Variants in ATG10 observed in about 807,000 individuals in gnomAD.
The protein encoded by ATG10 is autophagy related 10.
In ATG10, 30 loss-of-function variants were observed where a neutral mutation model predicts 32.1. That is an observed-to-expected ratio of 0.94 (90% confidence interval 0.70 to 1.27). ATG10 has a LOEUF of 1.27. Ranked by LOEUF, ATG10 falls within the 50% of genes most tolerant of loss-of-function variation. The probability of loss-of-function intolerance (pLI) is 0.00; values close to 1 mark genes in which losing one functional copy is unlikely to be tolerated. For missense variants in ATG10, 233 were observed against 262.3 expected, an observed-to-expected ratio of 0.89 and a Z score of 0.77; for synonymous variants, 87 against 91.5, an observed-to-expected ratio of 0.95 and a Z score of 0.28.
chr5:81,983,882 C>T lies in ATG10; in HGVS notation c.-12-3677C>T, dbSNP rs556332508. On this transcript the variant is annotated intron_variant, in intron 1 of 7. Transcript: ENST00000282185. Reference sequence around the variant, plus strand: ...CCCAGACGGGGCAGCGGGGCAGAGGCGCTCCCCACATCTCAGACTATGGGC... The same window carrying T: ...CCCAGACGGGGCAGCGGGGCAGAGGTGCTCCCCACATCTCAGACTATGGGC... 1.4e-3 allele frequency among the ~76,000 whole-genome samples: 217 copies of T among 151,118 alleles called. 1 individual carries two copies. The highest frequency in any genetic ancestry group is 8.4e-3 in the South Asian group (40 of 4,752).
chr5:82,110,759 A>C (rs1765593107), intron 3 of ATG10, among the ~76,000 whole-genome samples: 1 of 151,678 alleles, frequency 6.6e-6, no homozygotes, highest in Non-Finnish European at 1.5e-5. Flanking sequence ...TTGCCTGTTC[A>C]CTCTGATGGT....
chr5:82,178,966 A>G (rs11951734), intron 5 of ATG10, among the ~76,000 whole-genome samples: 99 of 152,164 alleles, frequency 6.5e-4, no homozygotes, highest in African/African-American at 2.2e-3. Context: ...AATGCATTTC[A>G]TACACCTAAT....
chr5:82,211,483 A>T (rs1745490081), intron 5 of ATG10, among the ~76,000 whole-genome samples: 1 of 151,628 alleles, frequency 6.6e-6, no homozygotes, highest in South Asian at 2.1e-4. Context: ...TATACTTTCC[A>T]CTATGCTCTC....
chr5:82,132,926 G>A lies in ATG10; in HGVS notation c.217-31473G>A, dbSNP rs552367371. Reference sequence around the variant, plus strand: ...ATTGTTTCCTGACTTTCTAATGGTCGCCATTCTAACTGGCAAGAGATAGTA... The same window carrying A: ...ATTGTTTCCTGACTTTCTAATGGTCACCATTCTAACTGGCAAGAGATAGTA... On this transcript the variant is annotated intron_variant, in intron 3 of 7. Coordinates refer to ENST00000282185, the MANE Select transcript of ATG10 (RefSeq NM_031482.5). Among the ~76,000 whole-genome samples the A allele has an allele frequency of 1.1e-4, 17 of 152,144 alleles. No homozygotes were observed. In the East Asian group the frequency reaches 2.5e-3, roughly 23 times the overall value.
chr5:82,032,112 C>G (rs1478904228), intron 2 of ATG10, among the ~76,000 whole-genome samples: 1 of 152,164 alleles, frequency 6.6e-6, no homozygotes, highest in Non-Finnish European at 1.5e-5. Flanking sequence ...CAATGAGAGA[C>G]TCTGGTTAGT....
intron 3 of ATG10, among the ~76,000 whole-genome samples, chr5:82,081,364 T>G (rs934480789): frequency 3.9e-5 from 6 of 152,206 alleles, no homozygotes; most frequent in East Asian, 1.9e-4. Flanking sequence ...TTCTCTTGCC[T>G]GATTGCCCTG....
intron 5 of ATG10, among the ~76,000 whole-genome samples, chr5:82,179,737 G>C (rs1348116492): frequency 6.6e-6 from 1 of 152,010 alleles, no homozygotes; most frequent in East Asian, 1.9e-4. Context: ...GCTAATGAAA[G>C]CTTCCTTTAA....
intron 3 of ATG10, among the ~76,000 whole-genome samples, chr5:82,086,490 C>G (rs1046252454): frequency 1.3e-5 from 2 of 152,180 alleles, no homozygotes; most frequent in Non-Finnish European, 2.9e-5. Context: ...CTCTTTCTCT[C>G]TACCCCTACA....
rs552395034 is a variant in ATG10, at chr5:82,096,596, T to C, written c.216+37994T>C. ...AGGAGTCCATAGATTGTGGACTAGG[T>C]GGGCCAGCTTTGTCATTGAAGTCTT... On this transcript the variant is annotated intron_variant, in intron 3 of 7. Transcript: ENST00000282185. Among the ~76,000 whole-genome samples the C allele has an allele frequency of 5.7e-4, 87 of 152,256 alleles. 2 individuals are homozygous for C. In the South Asian group the frequency reaches 0.017, roughly 30 times the overall value.
chr5:82,188,677 T>A (rs918724760), intron 5 of ATG10, among the ~76,000 whole-genome samples: 12 of 150,844 alleles, frequency 8.0e-5, no homozygotes, highest in African/African-American at 2.7e-4. Flanking sequence ...GGGCTGGGGG[T>A]GAGGACCAGA....
At chr5:82,008,095 C>G (rs573472173) in intron 2 of ATG10, among the ~76,000 whole-genome samples, 4 of 151,944 alleles carry the variant, frequency 2.6e-5, no homozygotes, top group African/African-American at 9.6e-5. Context: ...TCCAGTTTAC[C>G]TTATAGATCT....
intron 3 of ATG10, among the ~76,000 whole-genome samples, chr5:82,088,097 C>T (rs1438251642): frequency 6.6e-6 from 1 of 152,160 alleles, no homozygotes; most frequent in African/African-American, 2.4e-5. Context: ...GCTTTTTCCA[C>T]TCACTTTCCC....
rs1307209389 is a variant in ATG10, at chr5:82,221,442, C to G, written c.454-31120C>G. Reference sequence around the variant, plus strand: ...GAGCTCTTGAAAAACACTATGTACACTTTTTGCCTTCTGGTTGCAGATCAG... The same window carrying G: ...GAGCTCTTGAAAAACACTATGTACAGTTTTTGCCTTCTGGTTGCAGATCAG... On this transcript the variant is annotated intron_variant, in intron 5 of 7. Coordinates refer to ENST00000282185, the MANE Select transcript of ATG10 (RefSeq NM_031482.5). Among the ~76,000 whole-genome samples the G allele has an allele frequency of 3.9e-5, 6 of 152,134 alleles. No homozygotes were observed. The East Asian group carries it at 1.2e-3, about 29-fold the overall frequency.
intron 5 of ATG10, among the ~76,000 whole-genome samples, chr5:82,206,747 C>A (rs1267143272): frequency 6.6e-6 from 1 of 152,052 alleles, no homozygotes; most frequent in Non-Finnish European, 1.5e-5. Context: ...GTAGCCCAGT[C>A]AAGAAACAGA....
chr5:82,210,742 G>A (rs1745461670), intron 5 of ATG10, among the ~76,000 whole-genome samples: 1 of 152,118 alleles, frequency 6.6e-6, no homozygotes, highest in Non-Finnish European at 1.5e-5. Context: ...TCTGCAGTGG[G>A]AAATGATAAT....
intron 3 of ATG10, 26 bp from the exon 4 acceptor site, chr5:82,164,373 T>C (rs780661893): frequency 6.2e-7 from 1 of 1,610,648 alleles, no homozygotes. Flanking sequence ...GAAACCCGTT[T>C]TCGTTTTGTT....
chr5:82,148,871 C>T (rs1345764974), intron 3 of ATG10, among the ~76,000 whole-genome samples: 1 of 151,944 alleles, frequency 6.6e-6, no homozygotes, highest in Non-Finnish European at 1.5e-5. Flanking sequence ...TATATTTTTT[C>T]TGTGTCTATC....
At chr5:82,003,796 G>A (rs1297873848) in intron 2 of ATG10, among the ~76,000 whole-genome samples, 1 of 152,176 alleles carries the variant, frequency 6.6e-6, no homozygotes, top group East Asian at 1.9e-4. Context: ...CAAATAGCCT[G>A]ATTTGATGAG....
chr5:82,109,537 T>G (rs1765546586), intron 3 of ATG10, among the ~76,000 whole-genome samples: 2 of 152,014 alleles, frequency 1.3e-5, no homozygotes, highest in Non-Finnish European at 2.9e-5. Flanking sequence ...ATAATGCTCT[T>G]GTAAGCCTGA....
Sources: gnomAD v4.1 joint callset for allele counts (sites outside exome capture counted in the v4.1 genomes callset) on GRCh38, gnomAD v4.1.1 for gene constraint, MANE v1.5 for transcripts, NCBI Gene and HGNC (gene_info 2026-07-23, HGNC 2026-07-21) for gene names.